Variants in CSMD1 observed in about 807,000 individuals in gnomAD.
CSMD1 encodes the protein CUB and sushi domain-containing protein 1.
A neutral mutation model predicts 417.5 loss-of-function variants in CSMD1; 213 were observed. That is an observed-to-expected ratio of 0.51 (90% CI 0.46 to 0.57). CSMD1 has a LOEUF of 0.57. Ranked by LOEUF, CSMD1 falls within the 20% of genes least tolerant of loss-of-function variation. The pLI is 0.00. For missense variants in CSMD1, 6,923 were observed against 4,529.7 expected (o/e 1.53, Z -15.17); for synonymous variants, 2,862 against 1,736.8 (o/e 1.65, Z -16.11).
chr8:3,023,115 C>T (rs1261227467), intron 51 of CSMD1, among the ~76,000 whole-genome samples: 3 of 152,178 alleles, frequency 2.0e-5, no homozygotes, highest in East Asian at 1.9e-4. Flanking sequence ...GTGGTTTCCT[C>T]GGATATAGAC....
At chr8:4,285,001 G>C (rs529360195) in intron 3 of CSMD1, among the ~76,000 whole-genome samples, 7 of 152,250 alleles carry the variant, frequency 4.6e-5, no homozygotes, top group African/African-American at 1.7e-4. Flanking sequence ...TCCTTTATTT[G>C]TAAAATGGGG....
At chr8:3,072,362 A>C (rs927055073) in intron 49 of CSMD1, among the ~76,000 whole-genome samples, 6 of 152,350 alleles carry the variant, frequency 3.9e-5, no homozygotes, top group Middle Eastern at 3.4e-3. Context: ...AGATTTTAAC[A>C]ATTAATTATC....
At chr8:3,175,483 T>TGCCTG (rs1820863960) in intron 37 of CSMD1, among the ~76,000 whole-genome samples, 32 of 121,586 alleles carry the variant, frequency 2.6e-4, no homozygotes, top group Non-Finnish European at 6.6e-5. Flanking sequence ...TTCCCTTCCT[T>TGCCTG]CCTGCCTGCC....
At chr8:3,964,314 A>G (rs2688346) in intron 5 of CSMD1, among the ~76,000 whole-genome samples, 19,435 of 152,200 alleles carry the variant, frequency 0.13, 1,272 homozygotes, top group Middle Eastern at 0.16. Context: ...TCACGCGGCC[A>G]TAAGTCTCAT....
intron 1 of CSMD1, among the ~76,000 whole-genome samples, chr8:4,706,387 C>G (rs1361996789): frequency 6.6e-6 from 1 of 152,086 alleles, no homozygotes; most frequent in Non-Finnish European, 1.5e-5. Flanking sequence ...ACGTTATCTG[C>G]AGACAAAAAG....
chr8:4,022,259 T>A (rs1318932866), intron 4 of CSMD1, among the ~76,000 whole-genome samples: 1 of 150,856 alleles, frequency 6.6e-6, no homozygotes, highest in East Asian at 1.9e-4. Context: ...GCCTCACTAT[T>A]CATTTGCTTA....
chr8:4,022,367 A>C (rs1007615057), intron 4 of CSMD1, among the ~76,000 whole-genome samples: 2 of 152,056 alleles, frequency 1.3e-5, no homozygotes, highest in Admixed American at 1.3e-4. Flanking sequence ...TAAAATCATG[A>C]AGCAACACTG....
At chr8:3,293,606 C>T (rs969592696) in intron 25 of CSMD1, among the ~76,000 whole-genome samples, 1 of 152,124 alleles carries the variant, frequency 6.6e-6, no homozygotes, top group Admixed American at 6.6e-5. Flanking sequence ...CCTTGTCTTC[C>T]TGTTGATTGT....
Position 4,200,998 on chromosome 8 carries a change from G to A in CSMD1, c.416-168899C>T, listed in dbSNP as rs180993631. 1.7e-3 allele frequency among the ~76,000 whole-genome samples: 256 copies of A among 152,188 alleles called. 2 individuals carry two copies. Among genetic ancestry groups the A allele is most frequent in the Middle Eastern group, 6.8e-3 (2 of 294 alleles). ...TAGTTTACTTTTTCTCCACAGCGCC[G>A]TTCATATCAGTGTGGAAGGCATCAT... On this transcript the variant is annotated intron_variant, in intron 3 of 69. Coordinates refer to ENST00000635120, the MANE Select transcript of CSMD1 (RefSeq NM_033225.6).
chr8:4,542,890 T>C (rs1164135142), intron 2 of CSMD1, among the ~76,000 whole-genome samples: 2 of 152,178 alleles, frequency 1.3e-5, no homozygotes, highest in Non-Finnish European at 2.9e-5. Flanking sequence ...TAGAAATATA[T>C]TAGCATTTTT....
intron 3 of CSMD1, among the ~76,000 whole-genome samples, chr8:4,310,576 G>A (rs137937385): frequency 1.3e-5 from 2 of 152,040 alleles, no homozygotes; most frequent in African/African-American, 4.8e-5. Flanking sequence ...TTACATTTTT[G>A]AAAGTTTTCA....
chr8:4,985,365 C>CA (rs1180514859), intron 1 of CSMD1, among the ~76,000 whole-genome samples: 2 of 60,630 alleles, frequency 3.3e-5, no homozygotes, highest in Non-Finnish European at 6.6e-5. Flanking sequence ...TGCCCTGGAA[C>CA]TTAAAAGTTT....
chr8:4,167,451 T>C (rs1447622379), intron 3 of CSMD1, among the ~76,000 whole-genome samples: 1 of 152,182 alleles, frequency 6.6e-6, no homozygotes, highest in East Asian at 1.9e-4. Context: ...CACACTGGAA[T>C]AGAATGACGG....
At chr8:4,367,641 T>C (rs1192103696) in intron 3 of CSMD1, among the ~76,000 whole-genome samples, 1 of 152,136 alleles carries the variant, frequency 6.6e-6, no homozygotes, top group African/African-American at 2.4e-5. Context: ...AATCTGTAAA[T>C]TGCTTTGGGT....
chr8:4,182,263 C>T (rs527526606), intron 3 of CSMD1, among the ~76,000 whole-genome samples: 5 of 152,026 alleles, frequency 3.3e-5, no homozygotes, highest in African/African-American at 4.8e-5. Context: ...TCTAGATTAT[C>T]GTTTGCATGA....
intron 3 of CSMD1, among the ~76,000 whole-genome samples, chr8:4,362,443 T>C (rs185037689): frequency 4.9e-4 from 75 of 152,262 alleles, no homozygotes; most frequent in African/African-American, 1.6e-3. Context: ...AAGAAGAGTT[T>C]TGTTAAAGGT....
intron 1 of CSMD1, among the ~76,000 whole-genome samples, chr8:4,900,693 G>C (rs182750537): frequency 7.9e-5 from 12 of 152,278 alleles, no homozygotes; most frequent in Admixed American, 7.8e-4. Context: ...AATGTTGCTG[G>C]GGGCTTAGAA....
chr8:3,887,384 C>G (rs895275744), intron 5 of CSMD1, among the ~76,000 whole-genome samples: 1 of 152,104 alleles, frequency 6.6e-6, no homozygotes, highest in Non-Finnish European at 1.5e-5. Context: ...CCAGATGTAT[C>G]CAAGAACAAG....
intron 52 of CSMD1, among the ~76,000 whole-genome samples, 168 bp from the exon 53 acceptor site, chr8:3,000,299 ATTAT>A (rs773115330): frequency 1.3e-5 from 2 of 150,706 alleles, no homozygotes; most frequent in East Asian, 3.9e-4. Flanking sequence ...TCTTTTTTTT[ATTAT>A]TTTTTTTCAG....
Sources: allele counts gnomAD v4.1 joint callset (sites outside exome capture counted in the v4.1 genomes callset), GRCh38; gene constraint gnomAD v4.1.1; transcripts MANE v1.5; gene names NCBI Gene and HGNC (gene_info 2026-07-23, HGNC 2026-07-21).